LARP1B: variants seen among roughly 807,000 people sequenced by gnomAD.
The protein encoded by LARP1B is la-related protein 1B.
LARP1B carries 76 observed loss-of-function variants against 114.2 expected under a neutral mutation model. That is an observed-to-expected ratio of 0.67 (90% CI 0.55 to 0.81). LARP1B has a LOEUF of 0.81. Ranked by LOEUF, LARP1B falls within the 30% of genes least tolerant of loss-of-function variation. LARP1B has a pLI of 0.00. For missense variants in LARP1B, 1,014 were observed against 1,075.8 expected (o/e 0.94, Z 0.80); for synonymous variants, 345 against 348.0 (o/e 0.99, Z 0.10).
chr4:128,207,118 A>G (rs908262217), intron 18 of LARP1B, 138 bp from the exon 19 acceptor site: 40 of 445,418 alleles, frequency 9.0e-5, no homozygotes, highest in African/African-American at 7.7e-4. Flanking sequence ...TGGTTAATTC[A>G]TTACATGTCT....
chr4:128,119,647 T>G (rs554442091), intron 10 of LARP1B, among the ~76,000 whole-genome samples: 2 of 152,368 alleles, frequency 1.3e-5, no homozygotes, highest in South Asian at 4.1e-4. Context: ...CAAAACTTTC[T>G]AGAACCCTGG....
chr4:128,196,248 C>CAAAA (rs35423896), intron 15 of LARP1B, among the ~76,000 whole-genome samples: 92 of 87,794 alleles, frequency 1.0e-3, no homozygotes, highest in East Asian at 1.7e-3. Context: ...GAGAGTCTGT[C>CAAAA]AAAAAAAAAA....
chr4:128,123,564 A>G (rs1406380383), intron 11 of LARP1B: 4 of 366,188 alleles, frequency 1.1e-5, no homozygotes, highest in East Asian at 1.6e-4. Flanking sequence ...AGAAAAAACT[A>G]TGGATGTAAT....
At chr4:128,123,020 T>A in intron 11 of LARP1B, 3 of 985,186 alleles carry the variant, frequency 3.0e-6, no homozygotes, top group Non-Finnish European at 3.6e-6. Flanking sequence ...ATATGCCAAA[T>A]AGGAAACTGA....
chr4:128,128,747 G>T (rs1790473793), intron 11 of LARP1B, among the ~76,000 whole-genome samples: 1 of 152,072 alleles, frequency 6.6e-6, no homozygotes, highest in East Asian at 1.9e-4. Flanking sequence ...ACTATCATAA[G>T]CCTGGGGCTG....
chr4:128,133,999 A>AT (rs71587365), intron 11 of LARP1B, among the ~76,000 whole-genome samples: 2,043 of 139,046 alleles, frequency 0.015, 18 homozygotes, highest in Non-Finnish European at 0.018. Context: ...GCCCAGCCCA[A>AT]TTTTTTTTTT....
At chr4:128,108,895 A>C (rs543128966) in intron 9 of LARP1B, 1 of 936,784 alleles carries the variant, frequency 1.1e-6, no homozygotes, top group East Asian at 1.2e-4. Context: ...TTATAAGAAT[A>C]AAATCATAAT....
intron 7 of LARP1B, chr4:128,220,512 C>T (rs1456434828): frequency 1.7e-5 from 3 of 179,702 alleles, no homozygotes; most frequent in Admixed American, 6.5e-5. Context: ...ATCAATTACT[C>T]TTGCATTCCT....
intron 1 of LARP1B, among the ~76,000 whole-genome samples, chr4:128,068,119 A>C (rs1296378614): frequency 6.6e-6 from 1 of 152,092 alleles, no homozygotes; most frequent in East Asian, 1.9e-4. Context: ...TGACCTCGTG[A>C]TCCACCCGCC....
At chr4:128,092,511 A>G (rs1431590314) in intron 7 of LARP1B, among the ~76,000 whole-genome samples, 1 of 152,224 alleles carries the variant, frequency 6.6e-6, no homozygotes, top group African/African-American at 2.4e-5. Context: ...CAAGAGAAAA[A>G]TGTTGCCAAG....
At position 128,107,774 on chromosome 4, in the gene LARP1B, A is replaced by C. The variant is rs1782612028; in HGVS notation, c.988+461A>C. ...TAAATTAGAATTGGGGTTCTGTTTAATTTGGTTGTGTTTAGAATTTCCAAA... is the reference window on the plus strand; with the variant it reads ...TAAATTAGAATTGGGGTTCTGTTTACTTTGGTTGTGTTTAGAATTTCCAAA... On this transcript the variant is annotated intron_variant, in intron 9 of 19. Transcript: ENST00000326639. 17 of 1,519,728 alleles carry C rather than the reference A, an allele frequency of 1.1e-5. No individual in the cohort carries two copies. In the South Asian group the frequency reaches 2.0e-4, roughly 18 times the overall value. 94.1% of individuals were successfully genotyped at this position (1,519,728 alleles called of 1,614,324 possible).
At chr4:128,106,716 G>A (rs1163759663) in intron 8 of LARP1B, among the ~76,000 whole-genome samples, 1 of 151,754 alleles carries the variant, frequency 6.6e-6, no homozygotes, top group Non-Finnish European at 1.5e-5. Flanking sequence ...TCTTTATGAG[G>A]TATTGTGAGG....
intron 11 of LARP1B, 129 bp downstream of exon 11, chr4:128,122,317 A>G: frequency 6.7e-7 from 1 of 1,490,246 alleles, no homozygotes; most frequent in South Asian, 1.4e-5. Flanking sequence ...TTTAACTTGA[A>G]AAATTCCTGG....
intron 11 of LARP1B, among the ~76,000 whole-genome samples, chr4:128,156,456 T>C (rs756233059): frequency 6.6e-6 from 1 of 152,174 alleles, no homozygotes; most frequent in African/African-American, 2.4e-5. Flanking sequence ...ATTTCCCATT[T>C]CTGCCGGAGG....
chr4:128,204,724 G>A (rs1213956831), intron 17 of LARP1B, among the ~76,000 whole-genome samples: 2 of 151,856 alleles, frequency 1.3e-5, no homozygotes, highest in African/African-American at 4.8e-5. Flanking sequence ...TGAATTGTTT[G>A]TAACTCAAAG....
chr4:128,094,449 G>C (rs1201971301), intron 7 of LARP1B, among the ~76,000 whole-genome samples: 2 of 139,588 alleles, frequency 1.4e-5, no homozygotes, highest in Non-Finnish European at 3.0e-5. Flanking sequence ...CGCCCAGGAT[G>C]GAGTACAGTG....
chr4:128,079,339 C>T (rs1334761648), intron 4 of LARP1B, among the ~76,000 whole-genome samples: 3 of 151,874 alleles, frequency 2.0e-5, no homozygotes, highest in Admixed American at 1.3e-4. Context: ...AGGCGATCCA[C>T]CTGCCTCGGC....
Position 128,065,307 on chromosome 4 carries a change from T to TCTCTC in LARP1B, c.-78+3906_-78+3907insCTCTC, listed in dbSNP as rs1561011731. Among the ~76,000 whole-genome samples the TCTCTC allele has an allele frequency of 2.8e-3, 281 of 101,394 alleles. 2 individuals are homozygous for TCTCTC. The highest frequency in any genetic ancestry group is 6.0e-3 in the Admixed American group (53 of 8,896). The allele number at this position is 101,394 out of a possible 152,430, so 66.5% of individuals were successfully genotyped here. A position where few individuals can be genotyped will look rare whatever the true frequency, so the allele number is the denominator to read the frequency against. ...TTTCTTTCTTTCTTTCTTTCTTTCT[T>TCTCTC]TCTTTCTTTCTCTCTCTCTCTCTCT... On this transcript the variant is annotated intron_variant, in intron 1 of 19. Transcript: ENST00000326639.
In LARP1B at chr4:128,064,271, CAAAAAA is replaced by C. The variant is rs10679400; in HGVS notation, c.-78+2884_-78+2889del. ...TGGGTGACAGAGCAAGACTCAGTCT[CAAAAAA>C]AAAAAAAAAAAAAGTACGGTGATTG... On this transcript the variant is annotated intron_variant, in intron 1 of 19. Transcript: ENST00000326639. Among the ~76,000 whole-genome samples, 3 of 79,582 alleles carry C rather than the reference CAAAAAA, an allele frequency of 3.8e-5. 1 individual carries two copies. The highest frequency in any genetic ancestry group is 3.7e-4 in the Admixed American group (2 of 5,344). The allele number at this position is 79,582 out of a possible 152,430, so 52.2% of individuals were successfully genotyped here. A position where few individuals can be genotyped will look rare whatever the true frequency, so the allele number is the denominator to read the frequency against.
Sources: gnomAD v4.1 joint callset for allele counts (sites outside exome capture counted in the v4.1 genomes callset) on GRCh38, gnomAD v4.1.1 for gene constraint, MANE v1.5 for transcripts, NCBI Gene and HGNC (gene_info 2026-07-23, HGNC 2026-07-21) for gene names.